The following PIGR variants were observed in gnomAD, a reference collection of about 807,000 sequenced individuals.
The protein encoded by PIGR is polymeric immunoglobulin receptor.
A neutral mutation model predicts 69.5 loss-of-function variants in PIGR; 22 were observed. The ratio of observed to expected loss-of-function variants is 0.32; its 90% CI spans 0.23 to 0.45. The LOEUF (loss-of-function observed/expected upper bound fraction) is 0.45. Ranked by LOEUF, PIGR falls within the 20% of genes least tolerant of loss-of-function variation. The pLI is 1.00. For missense variants in PIGR, 885 were observed against 974.0 expected (o/e 0.91, Z 1.22); for synonymous variants, 413 against 407.6 (o/e 1.01, Z -0.16).
At position 206,930,164 on chromosome 1, in the gene PIGR, A is replaced by C; in HGVS notation, c.*154T>G. ...AACAATTAGGCCAGGCTTTGATGTCACTGAGGAGGGGACCAGCACGCCTCT... is the reference window on the plus strand; with the variant it reads ...AACAATTAGGCCAGGCTTTGATGTCCCTGAGGAGGGGACCAGCACGCCTCT... On this transcript the variant is annotated 3_prime_UTR_variant, in exon 11 of 11. Transcript: ENST00000356495. The surrounding 1 kb of genome is among the most constrained non-coding windows in gnomAD (Gnocchi z 4.3). 1 of 537,390 alleles carries C rather than the reference A, an allele frequency of 1.9e-6. No homozygotes were observed. The highest frequency in any genetic ancestry group is 3.2e-6 in the Non-Finnish European group (1 of 316,920). 33.3% of individuals were successfully genotyped at this position (537,390 alleles called of 1,614,324 possible). A position where few individuals can be genotyped will look rare whatever the true frequency, so the allele number is the denominator to read the frequency against.
At chr1:206,938,743 T>C (rs1261722144) in intron 3 of PIGR, among the ~76,000 whole-genome samples, 2 of 152,208 alleles carry the variant, frequency 1.3e-5, no homozygotes, top group Non-Finnish European at 2.9e-5. Flanking sequence ...AAAGGTGCAT[T>C]AATGATAGGA....
chr1:206,937,857 AC>A, intron 3 of PIGR, 106 bp from the exon 4 acceptor site: 5 of 992,844 alleles, frequency 5.0e-6, no homozygotes, highest in South Asian at 1.7e-5. Flanking sequence ...TGGACTTATA[AC>A]CTGGAATGCC....
At chr1:206,931,115 C>T in intron 10 of PIGR, 1 of 985,410 alleles carries the variant, frequency 1.0e-6, no homozygotes, top group Non-Finnish European at 1.2e-6. Flanking sequence ...CTGAGCAAAC[C>T]CTCAAGGGAG....
At chr1:206,931,239 G>A in intron 10 of PIGR, 1 of 985,350 alleles carries the variant, frequency 1.0e-6, no homozygotes, top group East Asian at 1.1e-4. Flanking sequence ...CTCATCTCCT[G>A]GCCTGCCTCT....
intron 8 of PIGR, 56 bp from the exon 9 acceptor site, chr1:206,931,858 A>G: frequency 2.5e-6 from 4 of 1,605,640 alleles, no homozygotes; most frequent in Non-Finnish European, 3.4e-6. Context: ...CTAGAAGGCC[A>G]GGCTGGGCTG....
At chr1:206,932,396 T>C (rs978119834) in intron 8 of PIGR, 60 bp downstream of exon 8, 2 of 1,521,200 alleles carry the variant, frequency 1.3e-6, no homozygotes, top group Non-Finnish European at 1.8e-6. Flanking sequence ...TATGGGTGGA[T>C]GATTCAGGAC....
chr1:206,932,611 A>T (rs776985448), intron 7 of PIGR, 34 bp from the exon 8 acceptor site: 1 of 1,583,514 alleles, frequency 6.3e-7, no homozygotes, highest in Non-Finnish European at 8.6e-7. Context: ...CATCCCTGGA[A>T]GGGAGATCTG....
chr1:206,937,830 C>T (rs1158805902), intron 3 of PIGR, 79 bp from the exon 4 acceptor site: 1 of 1,316,956 alleles, frequency 7.6e-7, no homozygotes, highest in Non-Finnish European at 1.1e-6. Flanking sequence ...ATTTGCTATT[C>T]CTAGTTAGGG....
intron 1 of PIGR, among the ~76,000 whole-genome samples, chr1:206,942,054 T>C (rs1572648616): frequency 2.0e-5 from 3 of 152,312 alleles, no homozygotes; most frequent in Admixed American, 2.0e-4. Context: ...GGTTATTTCT[T>C]TGTTGCAGGG....
chr1:206,935,771 C>T lies in PIGR; in HGVS notation c.1093G>A (p.Gly365Ser), dbSNP rs2275531. The T allele has an allele frequency of 0.42, 675,736 of 1,611,080 alleles. 146,791 individuals carry two copies. Among genetic ancestry groups the T allele is most frequent in the Middle Eastern group, 0.5 (3,034 of 6,054 alleles). ...TAGGGGCAGAGCACGGCCACAGAGC[C>T]TCCTGCCACCCCCTTCACCACAGTG... ...SPTVVKGVAGGSVAVLCPYNR... is the reference protein window; with the variant it reads ...SPTVVKGVAGSSVAVLCPYNR... Residue 365 changes from glycine (G) to serine (S), a missense_variant, in exon 5 of 11, where the codon GGC (glycine) becomes AGC (serine). Gly to Ser is a moderately conservative substitution (Grantham distance 56). Coordinates refer to ENST00000356495, the MANE Select transcript of PIGR (RefSeq NM_002644.4). This position sits in a 1 kb window ranked among gnomAD's most constrained non-coding sequence, Gnocchi z 4.4.
chr1:206,937,526 A>G lies in PIGR; in HGVS notation c.614T>C (p.Val205Ala). The change falls in exon 4 of 11, where the codon GTT (valine) becomes GCT (alanine). Residue 205 changes from valine (V) to alanine (A), a missense_variant. Coordinates refer to ENST00000356495, the MANE Select transcript of PIGR (RefSeq NM_002644.4). ...GCTGAGCCTGAGTTGGTTGATGACA[A>G]CGCTGAACAGTAACTGGCCAGTACC... ...IQGTGQLLFS[V>A]VINQLRLSDA... The G allele has an allele frequency of 6.2e-7, 1 of 1,614,224 alleles. No individual in the cohort carries two copies. Among genetic ancestry groups the G allele is most frequent in the Non-Finnish European group, 8.5e-7 (1 of 1,180,036 alleles).
rs549583756 is a variant in PIGR, at chr1:206,934,574, G to A, written c.1551C>T (p.Phe517=). 10 of 1,614,234 alleles carry A rather than the reference G, an allele frequency of 6.2e-6. No individual in the cohort carries two copies. In the African/African-American group the frequency reaches 8.0e-5, roughly 13 times the overall value. ...PSQDEGPSKA[F]VNCDENSRLV... is the part of the protein sequence containing the mutation. ...GCCGGCTGTTCTCGTCACAGTTCAC[G>A]AAGGCCTTGCTGGGGCCTTCGTCTT... The change falls in exon 6 of 11, where the codon TTC becomes TTT. Residue 517 remains phenylalanine, a synonymous_variant. Transcript: ENST00000356495.
At chr1:206,945,288 T>C (rs1427829985) in intron 1 of PIGR, among the ~76,000 whole-genome samples, 1 of 152,144 alleles carries the variant, frequency 6.6e-6, no homozygotes, top group Non-Finnish European at 1.5e-5. Flanking sequence ...AGGGGGAAAG[T>C]GATGGCACAA....
chr1:206,937,151 T>C lies in PIGR; in HGVS notation c.989A>G (p.Asp330Gly), dbSNP rs552572145. 2 of 1,613,304 alleles carry C rather than the reference T, an allele frequency of 1.2e-6. No homozygotes were observed. Among genetic ancestry groups the C allele is most frequent in the Admixed American group, 1.7e-5 (1 of 59,888 alleles). ...AGGCGAGCCTTCCTGCAGCTGACCA[T>C]CCGAATGGGCTCCACACAGGTAGCG... ...AGRYLCGAHSDGQLQEGSPIQ... is the reference protein window; with the variant it reads ...AGRYLCGAHSGGQLQEGSPIQ... The change falls in exon 4 of 11, where the codon GAT becomes GGT. Residue 330 changes from aspartate to glycine, a missense_variant. Asp to Gly is a moderately conservative substitution (Grantham distance 94). Transcript: ENST00000356495.
In PIGR at chr1:206,930,241, C is replaced by T. The variant is rs1679706320; in HGVS notation, c.*77G>A. 1 of 1,340,634 alleles carries T rather than the reference C, an allele frequency of 7.5e-7. No individual in the cohort carries two copies. The highest frequency in any genetic ancestry group is 1.5e-5 in the African/African-American group (1 of 68,280). The allele number at this position is 1,340,634 out of a possible 1,614,324, so 83.0% of individuals were successfully genotyped here. A position where few individuals can be genotyped will look rare whatever the true frequency, so the allele number is the denominator to read the frequency against. On this transcript the variant is annotated 3_prime_UTR_variant, in exon 11 of 11. Transcript: ENST00000356495. This position sits in a 1 kb window ranked among gnomAD's most constrained non-coding sequence, Gnocchi z 4.3. ...GTGTTAGAGCAGGGAGTGGGGTCCC[C>T]AGGAGCTGAGGGCCCCAGGATCGAC...
chr1:206,930,304 G>A lies in PIGR; in HGVS notation c.*14C>T. On this transcript the variant is annotated 3_prime_UTR_variant, in exon 11 of 11. Coordinates refer to ENST00000356495, the MANE Select transcript of PIGR (RefSeq NM_002644.4). The surrounding 1 kb of genome is among the most constrained non-coding windows in gnomAD (Gnocchi z 4.3). The stretch of plus-strand genomic sequence containing the variant: ...GTGATTGTCATGGGTGCAGGGAGCA[G>A]GCGGCGACACCGTCTAGGCTTCCTG... 1 of 1,606,520 alleles carries A rather than the reference G, an allele frequency of 6.2e-7. No individual in the cohort carries two copies. Among genetic ancestry groups the A allele is most frequent in the Non-Finnish European group, 8.5e-7 (1 of 1,175,778 alleles).
At chr1:206,945,140 G>A (rs1680079676) in intron 1 of PIGR, among the ~76,000 whole-genome samples, 1 of 152,168 alleles carries the variant, frequency 6.6e-6, no homozygotes. Context: ...TCCAGGGGCG[G>A]GACAAGGATG....
chr1:206,937,074 C>CT, intron 4 of PIGR, 21 bp downstream of exon 4: 1 of 1,548,468 alleles, frequency 6.5e-7, no homozygotes, highest in Non-Finnish European at 8.7e-7. Flanking sequence ...ACCTACTCCC[C>CT]CTCCCTCTCT....
chr1:206,933,149 G>T lies in PIGR; in HGVS notation c.1723C>A (p.Leu575Ile). 1 of 1,614,200 alleles carries T rather than the reference G, an allele frequency of 6.2e-7. No homozygotes were observed. The change falls in exon 7 of 11, where the codon CTA becomes ATA. Residue 575 changes from leucine to isoleucine, a missense_variant. Transcript: ENST00000356495. The stretch of plus-strand genomic sequence containing the variant: ...TCAGGAGCAGCGTCTGCCTTCGCTA[G>T]GCTGACATCGCGGGACCCTGCAGCA... ...RKAAGSRDVS[L>I]AKADAAPDEK...
Sources: allele counts gnomAD v4.1 joint callset (sites outside exome capture counted in the v4.1 genomes callset), GRCh38; gene constraint gnomAD v4.1.1; non-coding constraint Gnocchi (gnomAD v3.1); transcripts MANE v1.5; gene names NCBI Gene and HGNC (gene_info 2026-07-23, HGNC 2026-07-21).